PLCB4: variants seen among roughly 807,000 people sequenced by gnomAD.
PLCB4 encodes 1-phosphatidylinositol 4,5-bisphosphate phosphodiesterase beta-4.
Under a neutral mutation model 178.8 loss-of-function variants are expected in PLCB4, and 77 were observed. That is an observed-to-expected ratio of 0.43 (90% CI 0.36 to 0.52). The LOEUF is 0.52. Ranked by LOEUF, PLCB4 falls within the 20% of genes least tolerant of loss-of-function variation. The probability of loss-of-function intolerance (pLI) is 0.00; values close to 1 mark genes in which losing one functional copy is unlikely to be tolerated. For missense variants in PLCB4, 1,024 were observed against 1,453.4 expected (o/e 0.70, Z 4.80); for synonymous variants, 496 against 490.8 (o/e 1.01, Z -0.14).
In PLCB4 at chr20:9,329,956, T is replaced by C. The variant is rs6056554; in HGVS notation, c.85-7170T>C. Among the ~76,000 whole-genome samples the C allele has an allele frequency of 4.0e-3, 614 of 152,230 alleles. 5 individuals are homozygous for C. Among genetic ancestry groups the C allele is most frequent in the African/African-American group, 0.013 (539 of 41,534 alleles). The stretch of plus-strand genomic sequence containing the variant: ...CCCATCTATTACATCAGTCCATAAA[T>C]CATTCTGATGGCAGGATGTTATCAC... On this transcript the variant is annotated intron_variant, in intron 4 of 39. Coordinates refer to ENST00000378473, the MANE Select transcript of PLCB4 (RefSeq NM_001377142.1).
At chr20:9,460,949 C>T (rs548365595) in intron 35 of PLCB4, among the ~76,000 whole-genome samples, 20 of 152,298 alleles carry the variant, frequency 1.3e-4, no homozygotes, top group African/African-American at 4.3e-4. Context: ...CATTCTATTT[C>T]GTCCTATAGG....
At chr20:9,342,257 A>G (rs987393186) in intron 7 of PLCB4, among the ~76,000 whole-genome samples, 1 of 152,206 alleles carries the variant, frequency 6.6e-6, no homozygotes, top group Non-Finnish European at 1.5e-5. Flanking sequence ...AAATACACAT[A>G]GATATAATTA....
At chr20:9,292,819 C>T (rs879919692) in intron 3 of PLCB4, among the ~76,000 whole-genome samples, 2 of 152,166 alleles carry the variant, frequency 1.3e-5, no homozygotes, top group Non-Finnish European at 2.9e-5. Context: ...TGGCTCACAC[C>T]TGTAATCTCA....
chr20:9,129,686 AC>A (rs1160654113), intron 2 of PLCB4, among the ~76,000 whole-genome samples: 1 of 152,050 alleles, frequency 6.6e-6, no homozygotes, highest in Admixed American at 6.6e-5. Flanking sequence ...CTGCCTTCCC[AC>A]CCCATTCAAG....
chr20:9,345,788 A>G (rs2033736613), intron 7 of PLCB4, among the ~76,000 whole-genome samples: 1 of 152,328 alleles, frequency 6.6e-6, no homozygotes. Flanking sequence ...TTACAAAAAT[A>G]TTATGTATTC....
At chr20:9,366,837 C>T (rs1394268117) in intron 9 of PLCB4, among the ~76,000 whole-genome samples, 2 of 152,226 alleles carry the variant, frequency 1.3e-5, no homozygotes, top group East Asian at 3.8e-4. Context: ...GGTTCATGTT[C>T]ACTTCTCTGG....
intron 33 of PLCB4, among the ~76,000 whole-genome samples, chr20:9,453,844 A>G (rs981038428): frequency 1.3e-5 from 2 of 152,232 alleles, no homozygotes; most frequent in Non-Finnish European, 2.9e-5. Flanking sequence ...AAAATACTAC[A>G]GAGTTCCCTT....
chr20:9,157,352 G>C (rs1425224938), intron 2 of PLCB4, among the ~76,000 whole-genome samples: 1 of 152,144 alleles, frequency 6.6e-6, no homozygotes, highest in Non-Finnish European at 1.5e-5. Context: ...CATTCATGAA[G>C]ATAGCAATTC....
chr20:9,336,384 C>G (rs566581092), intron 4 of PLCB4, among the ~76,000 whole-genome samples: 74 of 152,274 alleles, frequency 4.9e-4, no homozygotes, highest in African/African-American at 1.5e-3. Flanking sequence ...TTGAATTTGG[C>G]TAATATTGCT....
rs571998489 is a variant in PLCB4, at chr20:9,074,122, T to C, written c.-135+4916T>C. ...TTCCTGACAAATGCCCTGTTTTAGC[T>C]TGAATGCTGACAGATGCCCTCTTTT... On this transcript the variant is annotated intron_variant, in intron 1 of 39. Transcript: ENST00000378473. Among the ~76,000 whole-genome samples, 7 of 152,260 alleles carry C rather than the reference T, an allele frequency of 4.6e-5. No homozygotes were observed. The South Asian group carries it at 1.5e-3, about 32-fold the overall frequency.
intron 35 of PLCB4, among the ~76,000 whole-genome samples, chr20:9,462,467 C>A (rs1340622453): frequency 1.3e-5 from 2 of 152,108 alleles, no homozygotes; most frequent in African/African-American, 4.8e-5. Context: ...ACAAACTTCT[C>A]TGAGCTAAAG....
At chr20:9,112,929 T>C (rs2091635077) in intron 2 of PLCB4, among the ~76,000 whole-genome samples, 1 of 152,006 alleles carries the variant, frequency 6.6e-6, no homozygotes, top group African/African-American at 2.4e-5. Context: ...CGTATAAAAT[T>C]TTACCCTTTC....
At chr20:9,253,720 T>C (rs2094205099) in intron 3 of PLCB4, among the ~76,000 whole-genome samples, 1 of 152,200 alleles carries the variant, frequency 6.6e-6, no homozygotes, top group Non-Finnish European at 1.5e-5. Context: ...CAAACTTAGA[T>C]GTGATTTAAT....
intron 7 of PLCB4, among the ~76,000 whole-genome samples, chr20:9,356,925 G>C (rs2034881789): frequency 1.3e-5 from 2 of 152,046 alleles, no homozygotes; most frequent in African/African-American, 4.8e-5. Context: ...AGACCAACCT[G>C]GGCAACATGG....
At position 9,479,036 on chromosome 20, in the gene PLCB4, GACTC is replaced by G; in HGVS notation, c.*34_*37del. The G allele has an allele frequency of 2.6e-6, 4 of 1,522,456 alleles. No homozygotes were observed. The highest frequency in any genetic ancestry group is 1.4e-5 in the African/African-American group (1 of 73,198). 94.3% of individuals were successfully genotyped at this position (1,522,456 alleles called of 1,614,324 possible). On this transcript the variant is annotated 3_prime_UTR_variant, in exon 40 of 40. Coordinates refer to ENST00000378473, the MANE Select transcript of PLCB4 (RefSeq NM_001377142.1). The stretch of plus-strand genomic sequence containing the variant: ...GCAGCAAACCCACAAAGCATCAAAA[GACTC>G]ACTCACAAACTTCTGAACACAAACT...
intron 1 of PLCB4, among the ~76,000 whole-genome samples, chr20:9,081,380 T>G (rs1037725967): frequency 6.6e-6 from 1 of 152,220 alleles, no homozygotes; most frequent in African/African-American, 2.4e-5. Flanking sequence ...TTTAACTCCT[T>G]TATTTGCATC....
At chr20:9,119,156 A>G (rs1352896818) in intron 2 of PLCB4, among the ~76,000 whole-genome samples, 1 of 152,168 alleles carries the variant, frequency 6.6e-6, no homozygotes, top group East Asian at 1.9e-4. Context: ...GCTAAATGCT[A>G]AGGGAGCAAG....
intron 2 of PLCB4, among the ~76,000 whole-genome samples, chr20:9,143,239 A>G (rs553637378): frequency 9.9e-5 from 15 of 152,234 alleles, no homozygotes; most frequent in African/African-American, 3.4e-4. Context: ...CTCCCTCTTT[A>G]AAATTGAAGT....
intron 3 of PLCB4, among the ~76,000 whole-genome samples, chr20:9,298,018 C>T (rs1052582819): frequency 2.0e-5 from 3 of 152,032 alleles, no homozygotes; most frequent in African/African-American, 4.8e-5. Context: ...CCTTGACATA[C>T]TGAGTATTTT....
Sources: allele counts gnomAD v4.1 joint callset (sites outside exome capture counted in the v4.1 genomes callset), GRCh38; gene constraint gnomAD v4.1.1; transcripts MANE v1.5; gene names NCBI Gene and HGNC (gene_info 2026-07-23, HGNC 2026-07-21).